Variants in XPO5 observed in about 807,000 individuals in gnomAD.
XPO5 encodes the protein exportin-5.
In XPO5, 46 loss-of-function variants were observed where a neutral mutation model predicts 160.6. The observed-to-expected ratio is 0.29, with a 90% CI of 0.23 to 0.37. The LOEUF (loss-of-function observed/expected upper bound fraction) is 0.37. Ranked by LOEUF, XPO5 falls within the 10% of genes least tolerant of loss-of-function variation. XPO5 has a pLI of 1.00. For synonymous variants in XPO5, 537 were observed against 519.3 expected, an observed-to-expected ratio of 1.03 and a Z score of -0.46; for missense variants, 1,090 against 1,463.9, an observed-to-expected ratio of 0.74 and a Z score of 4.17.
At chr6:43,571,174 C>T (rs757318242) in intron 3 of XPO5, among the ~76,000 whole-genome samples, 180 bp from the exon 4 acceptor site, 14 of 152,162 alleles carry the variant, frequency 9.2e-5, no homozygotes, top group South Asian at 2.1e-4. Flanking sequence ...ATCACTCTTC[C>T]GCTTAAAGCT....
chr6:43,553,510 AACAC>A lies in XPO5; in HGVS notation c.1442-11_1442-8del, dbSNP rs749301680. The A allele has an allele frequency of 1.2e-5, 18 of 1,503,400 alleles. No individual in the cohort carries two copies. Among genetic ancestry groups the A allele is most frequent in the South Asian group, 1.2e-5 (1 of 80,652 alleles). 93.1% of individuals were successfully genotyped at this position (1,503,400 alleles called of 1,614,324 possible). On this transcript the variant is annotated splice_polypyrimidine_tract_variant and splice_region_variant and intron_variant, in intron 13 of 31. Transcript: ENST00000265351. ...GTTCCAACTGCAGAACAAGCTTTAA[AACAC>A]ACACACACACATACACACACACACA... is the stretch of plus-strand genomic sequence containing the variant.
chr6:43,556,617 G>A (rs1257741411), intron 12 of XPO5, among the ~76,000 whole-genome samples: 2 of 151,928 alleles, frequency 1.3e-5, no homozygotes, highest in Non-Finnish European at 2.9e-5. Context: ...GGCAGTTCCT[G>A]AAAATATTAA....
At chr6:43,564,210 G>C (rs73426785) in intron 8 of XPO5, among the ~76,000 whole-genome samples, 28,640 of 152,090 alleles carry the variant, frequency 0.19, 5,764 homozygotes, top group African/African-American at 0.51. Context: ...GCATGACCCA[G>C]CGTACCTGGC....
In XPO5 at chr6:43,522,538, C is replaced by G. The variant is rs993052797; in HGVS notation, c.*1330G>C. 7.6e-6 allele frequency: 2 copies of G among 262,606 alleles called. No homozygotes were observed. Among genetic ancestry groups the G allele is most frequent in the African/African-American group, 4.5e-5 (2 of 44,458 alleles). 16.3% of individuals were successfully genotyped at this position (262,606 alleles called of 1,614,324 possible). On this transcript the variant is annotated 3_prime_UTR_variant, in exon 32 of 32. Coordinates refer to ENST00000265351, the MANE Select transcript of XPO5 (RefSeq NM_020750.3). ...GCTATCAGGTTTGGAGGGAAACACT[C>G]TTGAGATCGCCTTCACGATCCACAG...
chr6:43,525,660 G>A (rs1036314516), intron 28 of XPO5, 179 bp downstream of exon 28: 8 of 627,626 alleles, frequency 1.3e-5, no homozygotes, highest in Admixed American at 3.0e-5. Context: ...ATGCTGGTAT[G>A]GGAGACACCA....
chr6:43,553,526 TACACACACACACACAC>T, intron 13 of XPO5, 23 bp from the exon 14 acceptor site: 5 of 1,447,422 alleles, frequency 3.5e-6, no homozygotes, highest in Non-Finnish European at 3.7e-6. Context: ...CACACACACA[TACACACACACACACAC>T]ACACACAATT....
chr6:43,559,676 TTATGA>T (rs769388310), intron 11 of XPO5, among the ~76,000 whole-genome samples: 39 of 152,248 alleles, frequency 2.6e-4, no homozygotes, highest in Non-Finnish European at 5.1e-4. Flanking sequence ...AGCCCAATAC[TTATGA>T]TATATTAAGT....
chr6:43,552,610 C>T (rs928114748), intron 14 of XPO5, among the ~76,000 whole-genome samples: 1 of 152,192 alleles, frequency 6.6e-6, no homozygotes, highest in Non-Finnish European at 1.5e-5. Context: ...GCCTTGGCCT[C>T]CCAAAGTGCT....
intron 25 of XPO5, 127 bp downstream of exon 25, chr6:43,528,032 G>T: frequency 2.0e-6 from 2 of 990,676 alleles, no homozygotes; most frequent in Non-Finnish European, 3.0e-6. Context: ...GTATCACCTA[G>T]GCTGAGAATG....
Position 43,570,491 on chromosome 6 carries a change from G to A in XPO5, c.621+11C>T, listed in dbSNP as rs570526889. On this transcript the variant is annotated intron_variant, in intron 5 of 31. Transcript: ENST00000265351. The stretch of plus-strand genomic sequence containing the variant: ...GAAAATAGAAATGTTATAGGTAGGG[G>A]TATCCCTTACCACTTGCTGATACTT... The A allele has an allele frequency of 7.4e-6, 12 of 1,611,044 alleles. No homozygotes were observed. The highest frequency in any genetic ancestry group is 1.0e-5 in the Non-Finnish European group (12 of 1,178,500).
chr6:43,571,438 T>TC (rs1763001934), intron 3 of XPO5, among the ~76,000 whole-genome samples: 1 of 151,906 alleles, frequency 6.6e-6, no homozygotes, highest in Admixed American at 6.6e-5. Flanking sequence ...CTCATGTCTG[T>TC]TATTTAAAAA....
chr6:43,562,044 T>A, intron 9 of XPO5: 1 of 433,948 alleles, frequency 2.3e-6, no homozygotes, highest in South Asian at 5.0e-5. Flanking sequence ...TTGGTATAAC[T>A]ATTTTATTGT....
intron 20 of XPO5, among the ~76,000 whole-genome samples, chr6:43,535,197 T>C (rs1317513175): frequency 1.3e-5 from 2 of 150,802 alleles, no homozygotes; most frequent in African/African-American, 4.9e-5. Flanking sequence ...GAGGCTGAGC[T>C]TGCAGTGAGC....
chr6:43,550,074 G>C (rs1795155694), intron 15 of XPO5, 140 bp from the exon 16 acceptor site: 2 of 828,208 alleles, frequency 2.4e-6, no homozygotes, highest in Non-Finnish European at 3.9e-6. Flanking sequence ...GGGACTACGG[G>C]CATGAGCTTA....
Position 43,530,370 on chromosome 6 carries a change from G to A in XPO5, c.2677+318C>T, listed in dbSNP as rs886155317. On this transcript the variant is annotated intron_variant, in intron 23 of 31. Coordinates refer to ENST00000265351, the MANE Select transcript of XPO5 (RefSeq NM_020750.3). ...ACCTGAGAGGCAGAAGCTGTGAGCC[G>A]AGATCATACCACTGCACTCCAGCCT... is the stretch of plus-strand genomic sequence containing the variant. 2.7e-5 allele frequency among the ~76,000 whole-genome samples: 4 copies of A among 149,884 alleles called. No homozygotes were observed. The South Asian group carries it at 6.3e-4, about 24-fold the overall frequency.
At chr6:43,551,885 T>G (rs1464194080) in intron 14 of XPO5, among the ~76,000 whole-genome samples, 1 of 152,076 alleles carries the variant, frequency 6.6e-6, no homozygotes, top group African/African-American at 2.4e-5. Flanking sequence ...CAGGCTGGTC[T>G]CAAACTCCTG....
At chr6:43,557,807 AAAGG>A (rs1762179558) in intron 12 of XPO5, among the ~76,000 whole-genome samples, 3 of 147,620 alleles carry the variant, frequency 2.0e-5, no homozygotes, top group Admixed American at 1.3e-4. Flanking sequence ...AAAAAAAAAA[AAAGG>A]AGGCTGGGCG....
chr6:43,556,211 C>T (rs548421690), intron 12 of XPO5: 2 of 410,268 alleles, frequency 4.9e-6, no homozygotes, highest in East Asian at 9.3e-5. Context: ...AACTTAGTCT[C>T]CCATTTCTGT....
intron 21 of XPO5, chr6:43,533,524 A>C (rs191219589): frequency 3.6e-5 from 6 of 167,108 alleles, no homozygotes; most frequent in Admixed American, 5.7e-5. Context: ...AAGATGGAAG[A>C]AGCACAAGAT....
Sources: gnomAD v4.1 joint callset for allele counts (sites outside exome capture counted in the v4.1 genomes callset) on GRCh38, gnomAD v4.1.1 for gene constraint, MANE v1.5 for transcripts, NCBI Gene and HGNC (gene_info 2026-07-23, HGNC 2026-07-21) for gene names.